Variants in RGS3 observed in about 807,000 individuals in gnomAD.
The protein encoded by RGS3 is regulator of G-protein signalling 3.
A neutral mutation model predicts 132.6 loss-of-function variants in RGS3; 80 were observed. That is an observed-to-expected ratio of 0.60 (90% CI 0.50 to 0.73). RGS3 has a LOEUF of 0.73. RGS3 is among the 30% of genes least tolerant of loss of function. RGS3 has a pLI of 0.00. For synonymous variants in RGS3, 598 were observed against 620.6 expected (o/e 0.96, Z 0.54); for missense variants, 1,382 against 1,530.8 (o/e 0.90, Z 1.62).
chr9:113,489,178 C>A (rs942148938), intron 7 of RGS3, among the ~76,000 whole-genome samples: 1 of 152,182 alleles, frequency 6.6e-6, no homozygotes, highest in African/African-American at 2.4e-5. Context: ...TGTAACAGCT[C>A]ATATTTACCA....
chr9:113,461,218 A>C (rs1829463896), intron 1 of RGS3, among the ~76,000 whole-genome samples: 1 of 151,930 alleles, frequency 6.6e-6, no homozygotes, highest in Non-Finnish European at 1.5e-5. Flanking sequence ...GTATGTGTGG[A>C]GTGTGTGTGC....
chr9:113,493,441 C>T (rs888430614), intron 7 of RGS3, among the ~76,000 whole-genome samples: 3 of 152,186 alleles, frequency 2.0e-5, no homozygotes, highest in Admixed American at 1.3e-4. Context: ...TGAGAGACAG[C>T]CAGAAGCAGG....
intron 19 of RGS3, among the ~76,000 whole-genome samples, chr9:113,574,756 C>T (rs550909348): frequency 6.6e-6 from 1 of 152,318 alleles, no homozygotes; most frequent in Non-Finnish European, 1.5e-5. Flanking sequence ...CCAGTACACA[C>T]ACACGGAGCA....
chr9:113,563,940 G>T (rs1333966153), intron 19 of RGS3, among the ~76,000 whole-genome samples: 2 of 152,092 alleles, frequency 1.3e-5, no homozygotes, highest in Non-Finnish European at 2.9e-5. Context: ...GGTGGGTGGG[G>T]TGGGCATGGG....
chr9:113,566,080 C>G (rs142882020), intron 19 of RGS3, among the ~76,000 whole-genome samples: 5 of 152,108 alleles, frequency 3.3e-5, no homozygotes, highest in Admixed American at 2.6e-4. Flanking sequence ...GGGAGGGGAG[C>G]GCTCAGCCAG....
At chr9:113,512,946 C>T (rs1831471024) in intron 14 of RGS3, among the ~76,000 whole-genome samples, 4 of 152,356 alleles carry the variant, frequency 2.6e-5, no homozygotes, top group East Asian at 3.9e-4. Flanking sequence ...CCTGTAATCC[C>T]AGCACTTTGG....
exon 2 of RGS3, chr9:113,461,812 C>T (rs1266853778): frequency 1.2e-5 from 20 of 1,614,060 alleles, no homozygotes; most frequent in Non-Finnish European, 1.4e-5. Context: ...AAGATAGTCT[C>T]CCCTTTGGGA....
At chr9:113,533,271 C>T (rs147980799) in intron 18 of RGS3, among the ~76,000 whole-genome samples, 50 of 148,446 alleles carry the variant, frequency 3.4e-4, no homozygotes, top group Admixed American at 2.1e-3. Flanking sequence ...CACTCTGTTA[C>T]GCAGGCTGAA....
intron 21 of RGS3, chr9:113,593,972 CG>C (rs753216927): frequency 6.2e-7 from 1 of 1,612,892 alleles, no homozygotes; most frequent in South Asian, 1.1e-5. Flanking sequence ...CCTGCCGGGG[CG>C]GCCCCAGAGG....
In RGS3 at chr9:113,463,848, C is replaced by T; in HGVS notation, c.415+1647C>T. On this transcript the variant is annotated intron_variant, in intron 3 of 24. Transcript: ENST00000350696. The surrounding 1 kb of genome is among the most constrained non-coding windows in gnomAD (Gnocchi z 4.6). ...CGTCTCCCTCGGGAGCCGGCGTGCC[C>T]ACCCGGACTTGTCCTTCTACCTCAC... 1 of 1,613,202 alleles carries T rather than the reference C, an allele frequency of 6.2e-7. No homozygotes were observed. Among genetic ancestry groups the T allele is most frequent in the Non-Finnish European group, 8.5e-7 (1 of 1,179,834 alleles).
At chr9:113,481,158 A>G (rs554081260) in intron 4 of RGS3, among the ~76,000 whole-genome samples, 92 of 152,280 alleles carry the variant, frequency 6.0e-4, no homozygotes, top group Middle Eastern at 6.8e-3. Context: ...AGGAAGGGTC[A>G]TTTTGCCTTA....
intron 19 of RGS3, chr9:113,564,992 G>T: frequency 2.9e-6 from 3 of 1,023,596 alleles, no homozygotes; most frequent in South Asian, 6.8e-5. Context: ...GCTGGAGGCG[G>T]CTTTGCGCTG....
chr9:113,536,598 G>T, intron 18 of RGS3, 198 bp from the exon 17 acceptor site: 1 of 1,415,576 alleles, frequency 7.1e-7, no homozygotes, highest in Non-Finnish European at 9.2e-7. Flanking sequence ...CTCGCCAGCT[G>T]GCCCTTGAAC....
intron 15 of RGS3, among the ~76,000 whole-genome samples, chr9:113,516,815 G>C (rs1831694057): frequency 6.6e-6 from 1 of 152,150 alleles, no homozygotes; most frequent in African/African-American, 2.4e-5. Context: ...TTCCACCTCA[G>C]CCTCCCAAGT....
At chr9:113,570,415 G>A (rs1213401660) in intron 19 of RGS3, 2 of 152,178 alleles carry the variant, frequency 1.3e-5, no homozygotes, top group Admixed American at 6.5e-5. Context: ...GAAGCAGTGA[G>A]CCTCAGCCCA....
intron 19 of RGS3, among the ~76,000 whole-genome samples, chr9:113,552,098 T>C (rs1326279638): frequency 6.6e-6 from 1 of 152,216 alleles, no homozygotes; most frequent in Non-Finnish European, 1.5e-5. Flanking sequence ...TCTAGGATTA[T>C]ATAATATTCA....
intron 19 of RGS3, among the ~76,000 whole-genome samples, chr9:113,569,019 G>A (rs1368713416): frequency 6.6e-6 from 1 of 152,230 alleles, no homozygotes; most frequent in Non-Finnish European, 1.5e-5. Context: ...CACTCGAGAT[G>A]TGTGGATAGC....
intron 18 of RGS3, 194 bp from the exon 17 acceptor site, chr9:113,536,602 C>A: frequency 7.0e-7 from 1 of 1,427,594 alleles, no homozygotes. Context: ...CCAGCTGGCC[C>A]TTGAACCCAC....
intron 3 of RGS3, among the ~76,000 whole-genome samples, chr9:113,464,399 G>A (rs1829560122): frequency 6.6e-6 from 1 of 152,216 alleles, no homozygotes; most frequent in Admixed American, 6.5e-5. Context: ...CAATCCCTTA[G>A]GAGGGTCCCA....
Sources: gnomAD v4.1 joint callset for allele counts (sites outside exome capture counted in the v4.1 genomes callset) on GRCh38, gnomAD v4.1.1 for gene constraint, Gnocchi (gnomAD v3.1) non-coding constraint, MANE v1.5 for transcripts, NCBI Gene and HGNC (gene_info 2026-07-23, HGNC 2026-07-21) for gene names.